The following POLR3B variants were observed in gnomAD, a reference collection of about 807,000 sequenced individuals.
POLR3B encodes DNA-directed RNA polymerase III subunit RPC2.
In POLR3B, 96 loss-of-function variants were observed where a neutral mutation model predicts 147.4. That is an observed-to-expected ratio of 0.65 (90% confidence interval 0.55 to 0.77). The LOEUF (loss-of-function observed/expected upper bound fraction) is 0.77, where lower values mean the gene tolerates loss of function less well. Ranked by LOEUF, POLR3B falls within the 30% of genes least tolerant of loss-of-function variation. The pLI, the probability that POLR3B is intolerant of heterozygous loss-of-function variation, is 0.00. For synonymous variants in POLR3B, 461 were observed against 485.9 expected, an observed-to-expected ratio of 0.95 and a Z score of 0.67; for missense variants, 1,036 against 1,413.5, an observed-to-expected ratio of 0.73 and a Z score of 4.28.
chr12:106,485,364 C>G (rs1020413096), intron 23 of POLR3B, among the ~76,000 whole-genome samples: 1 of 152,094 alleles, frequency 6.6e-6, no homozygotes, highest in Non-Finnish European at 1.5e-5. Context: ...TGGGTACATA[C>G]AAACCATAAA....
At chr12:106,370,912 G>A (rs562375165) in intron 6 of POLR3B, among the ~76,000 whole-genome samples, 4 of 152,270 alleles carry the variant, frequency 2.6e-5, no homozygotes, top group East Asian at 1.9e-4. Flanking sequence ...GATTACAGGC[G>A]TGAGCCACCG....
intron 23 of POLR3B, among the ~76,000 whole-genome samples, chr12:106,495,478 G>C (rs749827358): frequency 6.6e-6 from 1 of 152,172 alleles, no homozygotes; most frequent in South Asian, 2.1e-4. Context: ...GACTCAGCCA[G>C]GGGAAGCCCT....
intron 2 of POLR3B, 64 bp downstream of exon 2, chr12:106,363,966 A>AT: frequency 1.6e-6 from 2 of 1,218,240 alleles, no homozygotes; most frequent in Non-Finnish European, 2.4e-6. Context: ...GAAATAAGCC[A>AT]TTTTTTAAAG....
intron 18 of POLR3B, among the ~76,000 whole-genome samples, chr12:106,439,113 C>A (rs1471281871): frequency 6.6e-6 from 1 of 152,074 alleles, no homozygotes; most frequent in African/African-American, 2.4e-5. Flanking sequence ...AATGGCTCAC[C>A]CCTATAATCC....
At chr12:106,497,956 A>G (rs78360607) in intron 25 of POLR3B, among the ~76,000 whole-genome samples, 2 of 152,226 alleles carry the variant, frequency 1.3e-5, no homozygotes, top group East Asian at 1.9e-4. Flanking sequence ...TGTAACCTCC[A>G]TGAAAGCAGG....
In POLR3B at chr12:106,454,679, C is replaced by T. The variant is rs1334354269; in HGVS notation, c.2261C>T (p.Ala754Val). ...TATAGTGGCTATGATATTGAAGATG[C>T]TCTTGTTTTAAACAAGGCCTCTTTA... Reference protein sequence around the residue: ...MSYSGYDIEDALVLNKASLDR... With the variant: ...MSYSGYDIEDVLVLNKASLDR... The change falls in exon 20 of 28, where the codon GCT (alanine) becomes GTT (valine). Residue 754 changes from alanine to valine, a missense_variant. Physicochemically the swap from Ala to Val is moderately conservative, Grantham distance 64 (BLOSUM62 0). Coordinates refer to ENST00000228347, the MANE Select transcript of POLR3B (RefSeq NM_018082.6). 1 of 1,610,502 alleles carries T rather than the reference C, an allele frequency of 6.2e-7. No homozygotes were observed. The highest frequency in any genetic ancestry group is 1.3e-5 in the African/African-American group (1 of 74,964).
intron 23 of POLR3B, among the ~76,000 whole-genome samples, chr12:106,488,171 A>G (rs934952572): frequency 3.3e-5 from 5 of 152,246 alleles, no homozygotes; most frequent in African/African-American, 1.2e-4. Flanking sequence ...GGACATTTCA[A>G]TACAGTCTTC....
intron 8 of POLR3B, among the ~76,000 whole-genome samples, chr12:106,378,946 A>G (rs1487205324): frequency 6.6e-6 from 1 of 152,186 alleles, no homozygotes; most frequent in East Asian, 1.9e-4. Flanking sequence ...AGTTCTGGGA[A>G]TAGAAAGATT....
At chr12:106,466,389 C>T (rs1016931171) in intron 23 of POLR3B, among the ~76,000 whole-genome samples, 1 of 152,164 alleles carries the variant, frequency 6.6e-6, no homozygotes. Flanking sequence ...AAAATTTTCT[C>T]CCATTCTGTA....
At chr12:106,451,391 G>C (rs1284381576) in intron 19 of POLR3B, among the ~76,000 whole-genome samples, 1 of 151,978 alleles carries the variant, frequency 6.6e-6, no homozygotes, top group Non-Finnish European at 1.5e-5. Context: ...ACTTTGGGAG[G>C]CTGAGGCAGG....
rs1400443528 is a variant in POLR3B, at chr12:106,454,671, T to C, written c.2253T>C (p.Ile751=). ...TGATGAGCTATAGTGGCTATGATATTGAAGATGCTCTTGTTTTAAACAAGG... is the reference window on the plus strand; with the variant it reads ...TGATGAGCTATAGTGGCTATGATATCGAAGATGCTCTTGTTTTAAACAAGG... ...VAVMSYSGYD[I]EDALVLNKAS... The change falls in exon 20 of 28, where the codon ATT becomes ATC. Residue 751 remains isoleucine (I), a synonymous_variant. Coordinates refer to ENST00000228347, the MANE Select transcript of POLR3B (RefSeq NM_018082.6). 18 of 1,611,836 alleles carry C rather than the reference T, an allele frequency of 1.1e-5. No homozygotes were observed. The highest frequency in any genetic ancestry group is 1.7e-4 in the Middle Eastern group (1 of 6,052).
intron 23 of POLR3B, among the ~76,000 whole-genome samples, chr12:106,474,542 C>T (rs1216625664): frequency 2.8e-5 from 4 of 141,548 alleles, no homozygotes; most frequent in Non-Finnish European, 6.1e-5. Context: ...ACAATTTCAG[C>T]TCCTGTTATT....
At chr12:106,386,308 A>T (rs1385384071) in intron 9 of POLR3B, among the ~76,000 whole-genome samples, 3 of 148,206 alleles carry the variant, frequency 2.0e-5, no homozygotes, top group Non-Finnish European at 3.0e-5. Flanking sequence ...GCACCACTGC[A>T]CTCCAGCCTG....
Position 106,396,448 on chromosome 12 carries a change from G to C in POLR3B, c.846+3295G>C, listed in dbSNP as rs369435989. On this transcript the variant is annotated intron_variant, in intron 10 of 27. Transcript: ENST00000228347. ...AAGTCCAAATCTTATCATGGGGACA[G>C]AGTTTCATTCAATTCCAAACACTGT... Among the ~76,000 whole-genome samples, 11 of 152,216 alleles carry C rather than the reference G, an allele frequency of 7.2e-5. No homozygotes were observed. In the East Asian group the frequency reaches 1.7e-3, roughly 24 times the overall value.
intron 10 of POLR3B, among the ~76,000 whole-genome samples, chr12:106,396,142 A>T (rs902909876): frequency 6.6e-6 from 1 of 152,162 alleles, no homozygotes; most frequent in African/African-American, 2.4e-5. Context: ...TGGCCTTTGC[A>T]TCACAAGGGA....
intron 13 of POLR3B, among the ~76,000 whole-genome samples, chr12:106,428,938 A>G (rs2037471833): frequency 6.6e-6 from 1 of 152,180 alleles, no homozygotes; most frequent in African/African-American, 2.4e-5. Context: ...AGATCATCTA[A>G]TCTTTTCCTG....
In POLR3B at chr12:106,457,268, C is replaced by T. The variant is rs2037877384; in HGVS notation, c.2424C>T (p.Ile808=). Residue 808 remains isoleucine (I), a synonymous_variant, in exon 21 of 28, where the codon ATC becomes ATT. Coordinates refer to ENST00000228347, the MANE Select transcript of POLR3B (RefSeq NM_018082.6). The part of the protein sequence containing the change: ...ATRKPIWRHE[I]LDADGICSPG... The stretch of plus-strand genomic sequence containing the variant: ...GGAAACCTATCTGGCGACATGAAAT[C>T]TTAGATGCAGATGGTATTTGTTCTC... 6.2e-7 allele frequency: 1 copy of T among 1,613,776 alleles called. No individual in the cohort carries two copies. The highest frequency in any genetic ancestry group is 8.5e-7 in the Non-Finnish European group (1 of 1,179,742).
intron 11 of POLR3B, among the ~76,000 whole-genome samples, chr12:106,408,946 A>G (rs192880773): frequency 8.5e-5 from 13 of 152,328 alleles, no homozygotes; most frequent in Admixed American, 8.5e-4. Flanking sequence ...GGGGTGATGG[A>G]CTGTACCTCT....
At chr12:106,459,513 A>C (rs531494847) in intron 22 of POLR3B, 145 bp downstream of exon 22, 5 of 687,596 alleles carry the variant, frequency 7.3e-6, no homozygotes, top group African/African-American at 5.3e-5. Flanking sequence ...AAAGCATGGC[A>C]TAGAAGATAA....
Sources: gnomAD v4.1 joint callset for allele counts (sites outside exome capture counted in the v4.1 genomes callset) on GRCh38, gnomAD v4.1.1 for gene constraint, MANE v1.5 for transcripts, NCBI Gene and HGNC (gene_info 2026-07-23, HGNC 2026-07-21) for gene names.